The following SS18 variants were observed in gnomAD, a reference collection of about 807,000 sequenced individuals.
SS18 encodes SS18 subunit of BAF chromatin remodeling complex, also known as protein SSXT.
Under a neutral mutation model 72.5 loss-of-function variants are expected in SS18, and 28 were observed. The observed-to-expected ratio is 0.39, with a 90% CI of 0.29 to 0.53. The LOEUF is 0.53. Ranked by LOEUF, SS18 falls within the 20% of genes least tolerant of loss-of-function variation. The pLI, the probability that SS18 is intolerant of heterozygous loss-of-function variation, is 0.76. For synonymous variants in SS18, 172 were observed against 164.2 expected, an observed-to-expected ratio of 1.05 and a Z score of -0.37; for missense variants, 518 against 535.3, an observed-to-expected ratio of 0.97 and a Z score of 0.32.
intron 5 of SS18, among the ~76,000 whole-genome samples, chr18:26,039,796 T>G (rs146138748): frequency 1.5e-3 from 233 of 152,306 alleles, no homozygotes; most frequent in African/African-American, 5.5e-3. Flanking sequence ...CCATCTTTCT[T>G]GAGAAGATAT....
At chr18:26,051,421 TATGTC>T (rs1395320242) in intron 5 of SS18, among the ~76,000 whole-genome samples, 1 of 152,246 alleles carries the variant, frequency 6.6e-6, no homozygotes, top group Non-Finnish European at 1.5e-5. Context: ...CGAATCTTAT[TATGTC>T]ATATCAAACC....
chr18:26,023,647 A>G (rs953375389), intron 10 of SS18: 2 of 530,650 alleles, frequency 3.8e-6, no homozygotes, highest in Admixed American at 4.5e-5. Flanking sequence ...ACCCAGAGAA[A>G]ATATCTTTCA....
chr18:26,027,235 G>A (rs981226552), intron 10 of SS18, among the ~76,000 whole-genome samples: 1 of 152,172 alleles, frequency 6.6e-6, no homozygotes, highest in Non-Finnish European at 1.5e-5. Context: ...AATGAAGACA[G>A]TGTGGTACTG....
At position 26,039,374 on chromosome 18, in the gene SS18, T is replaced by C. The variant is rs694947; in HGVS notation, c.690A>G (p.Pro230=). 1.2e-6 allele frequency: 2 copies of C among 1,613,814 alleles called. No homozygotes were observed. The highest frequency in any genetic ancestry group is 1.7e-6 in the Non-Finnish European group (2 of 1,179,908). ...GGGQHYQGQQ[P]PMGMMGQVNQ... ...TAACTTGACCCATCATTCCCATAGG[T>C]GGCTGCTGTCCTTGGTAATGCTGTC... Residue 230 remains proline, a synonymous_variant, in exon 6 of 11, where the codon CCA becomes CCG. Coordinates refer to ENST00000415083, the MANE Select transcript of SS18 (RefSeq NM_001007559.3).
intron 3 of SS18, among the ~76,000 whole-genome samples, chr18:26,069,279 T>C (rs1183896362): frequency 6.6e-6 from 1 of 152,014 alleles, no homozygotes; most frequent in African/African-American, 2.4e-5. Flanking sequence ...ATAAGTATTA[T>C]CTTTCTCATA....
intron 3 of SS18, among the ~76,000 whole-genome samples, chr18:26,061,191 T>A (rs995578082): frequency 6.6e-6 from 1 of 152,058 alleles, no homozygotes; most frequent in Admixed American, 6.6e-5. Flanking sequence ...CGTGCACCTG[T>A]AGGCCCAGCT....
At chr18:26,078,332 T>C (rs2054454352) in intron 2 of SS18, 172 bp from the exon 3 acceptor site, 1 of 508,262 alleles carries the variant, frequency 2.0e-6, no homozygotes, top group Non-Finnish European at 3.4e-6. Context: ...AATATTTAAA[T>C]ATAATGAGCT....
chr18:26,071,833 G>C (rs1299736222), intron 3 of SS18, among the ~76,000 whole-genome samples: 1 of 145,750 alleles, frequency 6.9e-6, no homozygotes, highest in Non-Finnish European at 1.5e-5. Flanking sequence ...GTCTCCAGAG[G>C]AAAAAAAAAA....
rs1209646357 is a variant in SS18 at position 26,023,723 on chromosome 18, A to G, written c.1231-5343T>C. ...AGCTGATTATTACCAGTACACCTGC[A>G]TTTCAAGAAATGTTAACATCCTTCA... is the stretch of plus-strand genomic sequence containing the variant. On this transcript the variant is annotated intron_variant, in intron 10 of 10. Coordinates refer to ENST00000415083, the MANE Select transcript of SS18 (RefSeq NM_001007559.3). The G allele has an allele frequency of 1.5e-5, 7 of 470,150 alleles. No homozygotes were observed. In the East Asian group the frequency reaches 2.5e-4, roughly 17 times the overall value. The allele number at this position is 470,150 out of a possible 1,614,324, so 29.1% of individuals were successfully genotyped here. A position where few individuals can be genotyped will look rare whatever the true frequency, so the allele number is the denominator to read the frequency against.
intron 3 of SS18, among the ~76,000 whole-genome samples, chr18:26,077,357 G>A (rs1262536267): frequency 6.6e-6 from 1 of 151,982 alleles, no homozygotes; most frequent in African/African-American, 2.4e-5. Context: ...TGAAATAAGA[G>A]AAACAAAGGA....
intron 1 of SS18, among the ~76,000 whole-genome samples, chr18:26,088,918 T>C (rs958572412): frequency 6.6e-6 from 1 of 151,896 alleles, no homozygotes; most frequent in Non-Finnish European, 1.5e-5. Flanking sequence ...TGCTAATAAA[T>C]GCAGTTATTT....
chr18:26,045,994 C>T, intron 5 of SS18, among the ~76,000 whole-genome samples: 1 of 151,792 alleles, frequency 6.6e-6, no homozygotes, highest in Non-Finnish European at 1.5e-5. Context: ...CAAGACCAGC[C>T]TGGCCAATAT....
intron 2 of SS18, 28 bp downstream of exon 2, chr18:26,087,473 T>TA (rs535750135): frequency 4.1e-4 from 559 of 1,368,176 alleles, no homozygotes; most frequent in Non-Finnish European, 4.8e-4. Context: ...AAAAACTGAA[T>TA]AAAAAAAAAG....
chr18:26,049,696 T>A (rs2053888350), intron 5 of SS18, among the ~76,000 whole-genome samples: 1 of 152,036 alleles, frequency 6.6e-6, no homozygotes, highest in Admixed American at 6.6e-5. Flanking sequence ...TTTCTTTTTG[T>A]AAAAAATGCA....
Position 26,062,703 on chromosome 18 carries a change from TATC to T in SS18, c.232-4964_232-4962del, listed in dbSNP as rs536026824. ...ATTAAAAGAAAAAAATGGAAAAAGA[TATC>T]ATGCAAATACTAATTAAAAGTATGA... On this transcript the variant is annotated intron_variant, in intron 3 of 10. Transcript: ENST00000415083. Among the ~76,000 whole-genome samples, 22 of 152,280 alleles carry T rather than the reference TATC, an allele frequency of 1.4e-4. No homozygotes were observed. In the South Asian group the frequency reaches 3.5e-3, roughly 24 times the overall value.
chr18:26,027,788 C>T lies in SS18; in HGVS notation c.1230+4611G>A, dbSNP rs192552728. Among the ~76,000 whole-genome samples, 1,363 of 150,398 alleles carry T rather than the reference C, an allele frequency of 9.1e-3. 9 individuals are homozygous for T. Among genetic ancestry groups the T allele is most frequent in the Non-Finnish European group, 0.011 (733 of 67,634 alleles). On this transcript the variant is annotated intron_variant, in intron 10 of 10. Transcript: ENST00000415083. Reference sequence around the variant, plus strand: ...TGCAAACTTTATTTCATACTTCACACCATACATAAAAATCAACTCAAAATG... The same window carrying T: ...TGCAAACTTTATTTCATACTTCACATCATACATAAAAATCAACTCAAAATG...
Position 26,039,415 on chromosome 18 carries a change from T to C in SS18, c.649A>G (p.Met217Val), listed in dbSNP as rs1386442418. 7 of 1,613,690 alleles carry C rather than the reference T, an allele frequency of 4.3e-6. No individual in the cohort carries two copies. Among genetic ancestry groups the C allele is most frequent in the African/African-American group, 2.7e-5 (2 of 74,886 alleles). The change falls in exon 6 of 11, where the codon ATG becomes GTG. Residue 217 changes from methionine to valine, a missense_variant. Transcript: ENST00000415083. ...TAATGCTGTCCGCCTCCCTGTGGCA[T>C]ATTGTATTGCTGAGAAGGAGGCTGC... Reference protein sequence around the residue: ...HQQPPSQQYNMPQGGGQHYQG... With the variant: ...HQQPPSQQYNVPQGGGQHYQG...
chr18:26,031,639 G>A (rs1455114331), intron 10 of SS18, among the ~76,000 whole-genome samples: 1 of 152,086 alleles, frequency 6.6e-6, no homozygotes, highest in African/African-American at 2.4e-5. Flanking sequence ...GGAGTTTAAT[G>A]ACAAAAATAA....
chr18:26,090,919 G>A (rs1291855093), upstream of SS18: 2 of 359,038 alleles, frequency 5.6e-6, no homozygotes, highest in East Asian at 6.1e-5. Flanking sequence ...GCCGCCGCGG[G>A]AGAAGGAGAG....
Sources: allele counts gnomAD v4.1 joint callset (sites outside exome capture counted in the v4.1 genomes callset), GRCh38; gene constraint gnomAD v4.1.1; transcripts MANE v1.5; gene names NCBI Gene and HGNC (gene_info 2026-07-23, HGNC 2026-07-21).